MLLT10: variants seen among roughly 807,000 people sequenced by gnomAD.
The protein encoded by MLLT10 is MLLT10 histone lysine methyltransferase DOT1L cofactor.
A neutral mutation model predicts 129.1 loss-of-function variants in MLLT10; 30 were observed. The ratio of observed to expected loss-of-function variants is 0.23; its 90% CI spans 0.17 to 0.32. The LOEUF is 0.32. MLLT10 is among the 10% of genes least tolerant of loss of function. The probability of loss-of-function intolerance (pLI) is 1.00; values close to 1 mark genes in which losing one functional copy is unlikely to be tolerated. For synonymous variants in MLLT10, 490 were observed against 446.4 expected, an observed-to-expected ratio of 1.10 and a Z score of -1.23; for missense variants, 1,119 against 1,268.3, an observed-to-expected ratio of 0.88 and a Z score of 1.79.
intron 5 of MLLT10, among the ~76,000 whole-genome samples, chr10:21,606,866 A>G (rs1203832162): frequency 5.9e-5 from 9 of 152,212 alleles, no homozygotes; most frequent in South Asian, 2.1e-4. Flanking sequence ...ATAGGCCCCA[A>G]TTTTGAAGAA....
chr10:21,580,075 C>T (rs1168191240), intron 3 of MLLT10, among the ~76,000 whole-genome samples: 1 of 149,862 alleles, frequency 6.7e-6, no homozygotes, highest in Non-Finnish European at 1.5e-5. Context: ...GGCTGGAGTG[C>T]AGTATTGCTA....
intron 3 of MLLT10, among the ~76,000 whole-genome samples, chr10:21,566,117 A>C (rs2039526104): frequency 6.7e-6 from 1 of 149,172 alleles, no homozygotes; most frequent in Non-Finnish European, 1.5e-5. Context: ...GCCTGGCTAA[A>C]TTTTTTTTTG....
intron 9 of MLLT10, among the ~76,000 whole-genome samples, chr10:21,666,577 C>T (rs1044834268): frequency 6.6e-6 from 1 of 151,692 alleles, no homozygotes. Context: ...GCAGGAGAAT[C>T]GTTGGAACCC....
At chr10:21,651,488 G>A (rs1027419493) in intron 8 of MLLT10, among the ~76,000 whole-genome samples, 185 bp from the exon 9 acceptor site, 1 of 152,144 alleles carries the variant, frequency 6.6e-6, no homozygotes, top group African/African-American at 2.4e-5. Flanking sequence ...TAAAAAAGCT[G>A]AACTTACCTA....
At chr10:21,688,020 G>T (rs897184227) in intron 13 of MLLT10, among the ~76,000 whole-genome samples, 2 of 152,172 alleles carry the variant, frequency 1.3e-5, no homozygotes, top group African/African-American at 4.8e-5. Flanking sequence ...TTGGTTCCTT[G>T]AAGATAGGCT....
chr10:21,629,506 C>T (rs1205363468), intron 8 of MLLT10, among the ~76,000 whole-genome samples: 2 of 152,138 alleles, frequency 1.3e-5, no homozygotes, highest in African/African-American at 4.8e-5. Context: ...GATTTAGGCA[C>T]ATATCCTGTT....
intron 14 of MLLT10, among the ~76,000 whole-genome samples, chr10:21,716,282 T>G (rs1341267336): frequency 2.6e-5 from 4 of 152,246 alleles, no homozygotes; most frequent in Non-Finnish European, 4.4e-5. Context: ...TTTTCAAGTC[T>G]TACATTAGTT....
rs1354346263 is a variant in MLLT10, at chr10:21,612,364, A to G, written c.422A>G (p.Asp141Gly). The G allele has an allele frequency of 6.2e-7, 1 of 1,607,758 alleles. No homozygotes were observed. The highest frequency in any genetic ancestry group is 8.5e-7 in the Non-Finnish European group (1 of 1,176,612). Residue 141 changes from aspartate to glycine, a missense_variant, in exon 6 of 23, where the codon GAT (aspartate) becomes GGT (glycine). Asp to Gly is a moderately conservative substitution (Grantham distance 94, BLOSUM62 -1). Transcript: ENST00000307729. ...DRYNKTCYIC[D>G]EQGRESKAAT... ...AACCCCAAGACTTGCTACATTTGTG[A>G]TGAACAAGGAAGAGAAAGCAAAGCA...
intron 9 of MLLT10, among the ~76,000 whole-genome samples, chr10:21,665,527 A>G (rs1241095137): frequency 6.6e-6 from 1 of 151,802 alleles, no homozygotes; most frequent in Non-Finnish European, 1.5e-5. Context: ...ACCTCAGGTG[A>G]TCCACCCTTC....
chr10:21,580,179 C>A (rs1320401373), intron 3 of MLLT10, among the ~76,000 whole-genome samples: 1 of 151,130 alleles, frequency 6.6e-6, no homozygotes, highest in Non-Finnish European at 1.5e-5. Context: ...CTGCCACGCT[C>A]GGCTTATAGT....
chr10:21,601,314 T>C (rs1156344958), intron 5 of MLLT10, among the ~76,000 whole-genome samples: 2 of 152,138 alleles, frequency 1.3e-5, no homozygotes, highest in African/African-American at 4.8e-5. Flanking sequence ...GTTCCAAGAC[T>C]CAAAGGCCTA....
Position 21,742,234 on chromosome 10 carries a change from C to G in MLLT10, c.*251C>G. ...TGAACATGGAAAGAAAATTTAATAA[C>G]TTTTTAAAGTGACATAATTTACATG... On this transcript the variant is annotated 3_prime_UTR_variant, in exon 23 of 23. Coordinates refer to ENST00000307729, the MANE Select transcript of MLLT10 (RefSeq NM_001195626.3). 1 of 397,880 alleles carries G rather than the reference C, an allele frequency of 2.5e-6. No individual in the cohort carries two copies. The highest frequency in any genetic ancestry group is 9.1e-5 in the South Asian group (1 of 10,942). 24.6% of individuals were successfully genotyped at this position (397,880 alleles called of 1,614,324 possible). A position where few individuals can be genotyped will look rare whatever the true frequency, so the allele number is the denominator to read the frequency against.
At chr10:21,686,895 A>C (rs1362035169) in intron 13 of MLLT10, among the ~76,000 whole-genome samples, 1 of 152,122 alleles carries the variant, frequency 6.6e-6, no homozygotes, top group Non-Finnish European at 1.5e-5. Flanking sequence ...GGCAGGGAGA[A>C]TTGCTTGAAC....
chr10:21,579,270 C>A (rs1313209697), intron 3 of MLLT10, among the ~76,000 whole-genome samples: 1 of 152,118 alleles, frequency 6.6e-6, no homozygotes, highest in Non-Finnish European at 1.5e-5. Flanking sequence ...GTGACATTTT[C>A]TTTTGGTGCT....
intron 9 of MLLT10, among the ~76,000 whole-genome samples, chr10:21,665,195 G>A (rs1034108139): frequency 2.0e-5 from 3 of 151,216 alleles, no homozygotes; most frequent in African/African-American, 7.3e-5. Flanking sequence ...ATCCACCTGT[G>A]TCGGCCTCTT....
intron 13 of MLLT10, among the ~76,000 whole-genome samples, chr10:21,685,067 C>G (rs2053161872): frequency 6.6e-6 from 1 of 151,766 alleles, no homozygotes; most frequent in Admixed American, 6.6e-5. Flanking sequence ...ATGTGATGTT[C>G]TAATACTTCC....
intron 3 of MLLT10, among the ~76,000 whole-genome samples, chr10:21,563,253 G>A (rs1276553521): frequency 1.3e-5 from 2 of 152,158 alleles, no homozygotes; most frequent in African/African-American, 4.8e-5. Flanking sequence ...GGCCCGGCGC[G>A]TGGCTCAGGC....
chr10:21,565,164 A>G (rs2039392591), intron 3 of MLLT10, among the ~76,000 whole-genome samples: 1 of 152,096 alleles, frequency 6.6e-6, no homozygotes, highest in Non-Finnish European at 1.5e-5. Flanking sequence ...TCAAAAGTAT[A>G]GTGTTTCTGA....
At chr10:21,652,961 A>G (rs974100634) in intron 9 of MLLT10, among the ~76,000 whole-genome samples, 10 of 152,230 alleles carry the variant, frequency 6.6e-5, no homozygotes, top group East Asian at 1.9e-4. Flanking sequence ...GATGATTCCA[A>G]AGATTTTGGG....
Sources: gnomAD v4.1 joint callset for allele counts (sites outside exome capture counted in the v4.1 genomes callset) on GRCh38, gnomAD v4.1.1 for gene constraint, MANE v1.5 for transcripts, NCBI Gene and HGNC (gene_info 2026-07-23, HGNC 2026-07-21) for gene names.